The following PCGF5 variants were observed in gnomAD, a reference collection of about 807,000 sequenced individuals.
PCGF5 encodes the protein polycomb group ring finger 5, also known as polycomb group RING finger protein 5.
PCGF5 carries 9 observed loss-of-function variants against 44.3 expected under a neutral mutation model. The observed-to-expected ratio is 0.20, with a 90% CI of 0.12 to 0.35. PCGF5 has a LOEUF of 0.35. PCGF5 is among the 10% of genes least tolerant of loss of function. The pLI, the probability that PCGF5 is intolerant of heterozygous loss-of-function variation, is 1.00. For synonymous variants in PCGF5, 95 were observed against 102.5 expected (o/e 0.93, Z 0.44); for missense variants, 146 against 305.3 (o/e 0.48, Z 3.89).
chr10:91,177,714 G>T (rs1242967280), intron 1 of PCGF5, among the ~76,000 whole-genome samples: 4 of 152,232 alleles, frequency 2.6e-5, no homozygotes, highest in Admixed American at 6.5e-5. Flanking sequence ...CCAGGTGCAG[G>T]ATATAATCTC....
chr10:91,164,035 G>A (rs1183874729), intron 1 of PCGF5, among the ~76,000 whole-genome samples: 2 of 152,254 alleles, frequency 1.3e-5, no homozygotes, highest in Admixed American at 1.3e-4. Context: ...AGTACACCCG[G>A]AACGTGTGGC....
intron 1 of PCGF5, among the ~76,000 whole-genome samples, chr10:91,173,578 CT>C (rs59254639): frequency 0.44 from 50,727 of 115,922 alleles, 10,477 homozygotes; most frequent in South Asian, 0.52. Context: ...AGGGAGTTGG[CT>C]TTTTTTTTTT....
intron 1 of PCGF5, among the ~76,000 whole-genome samples, chr10:91,163,651 C>T (rs1181560772): frequency 1.3e-5 from 2 of 152,076 alleles, no homozygotes; most frequent in Non-Finnish European, 2.9e-5. Context: ...GCGTCGCTTC[C>T]GTTTTGATTA....
At chr10:91,268,511 T>C (rs114226529) in intron 8 of PCGF5, among the ~76,000 whole-genome samples, 1,909 of 152,234 alleles carry the variant, frequency 0.013, 47 homozygotes, top group African/African-American at 0.042. Flanking sequence ...TATTTGGCAC[T>C]ATGGGATGTC....
At chr10:91,159,872 G>C (rs1024696210), upstream of PCGF5, among the ~76,000 whole-genome samples, 5 of 152,160 alleles carry the variant, frequency 3.3e-5, no homozygotes, top group African/African-American at 1.2e-4. Flanking sequence ...TGATATCCCA[G>C]GTATTAAGTC....
chr10:91,274,728 T>C lies in PCGF5; in HGVS notation c.723+3031T>C, dbSNP rs187051772. Among the ~76,000 whole-genome samples the C allele has an allele frequency of 3.9e-3, 589 of 152,252 alleles. 3 individuals carry two copies. The highest frequency in any genetic ancestry group is 0.014 in the African/African-American group (563 of 41,554). On this transcript the variant is annotated intron_variant, in intron 9 of 9. Coordinates refer to ENST00000336126, the MANE Select transcript of PCGF5 (RefSeq NM_032373.5). ...TGGTGGATTGTTGATCAAAAGAAAT[T>C]GAGAGACGTTGCTATGTGAATATCT...
chr10:91,219,553 C>T (rs188278473), upstream of PCGF5, among the ~76,000 whole-genome samples: 1 of 152,272 alleles, frequency 6.6e-6, no homozygotes, highest in East Asian at 1.9e-4. Context: ...TTTGACCTCA[C>T]TTGTTTTCTC....
chr10:91,241,001 A>T (rs1196577024), intron 3 of PCGF5, among the ~76,000 whole-genome samples: 4 of 149,982 alleles, frequency 2.7e-5, no homozygotes, highest in Non-Finnish European at 5.9e-5. Flanking sequence ...AGATTTTTTT[A>T]AGACTACCAT....
intron 1 of PCGF5, among the ~76,000 whole-genome samples, chr10:91,206,983 A>G (rs1325072815): frequency 1.3e-5 from 2 of 151,984 alleles, no homozygotes; most frequent in African/African-American, 4.8e-5. Context: ...TTATTTGTTT[A>G]TTGCCTATTT....
At chr10:91,214,741 C>T (rs1844511731) in intron 1 of PCGF5, among the ~76,000 whole-genome samples, 2 of 152,080 alleles carry the variant, frequency 1.3e-5, no homozygotes, top group South Asian at 4.1e-4. Flanking sequence ...ATAACCAGAA[C>T]AGGGAGAAAG....
rs535252035 is a variant in PCGF5, at chr10:91,259,981, A to C, written c.475-1345A>C. Among the ~76,000 whole-genome samples the C allele has an allele frequency of 4.3e-4, 65 of 151,926 alleles. 2 individuals are homozygous for C. In the South Asian group the frequency reaches 0.01, roughly 24 times the overall value. ...TTGACAAATGGGATCTAATTAAACT[A>C]AAGAGCTTCTGCACAGCAAAAGAAA... is the stretch of plus-strand genomic sequence containing the variant. On this transcript the variant is annotated intron_variant, in intron 6 of 9. Coordinates refer to ENST00000336126, the MANE Select transcript of PCGF5 (RefSeq NM_032373.5).
chr10:91,260,331 A>G (rs368121556), intron 6 of PCGF5, among the ~76,000 whole-genome samples: 1 of 152,122 alleles, frequency 6.6e-6, no homozygotes, highest in Non-Finnish European at 1.5e-5. Flanking sequence ...AGAGGATGTG[A>G]AGAAATAGGA....
At chr10:91,250,060 T>C (rs1845587602) in intron 5 of PCGF5, among the ~76,000 whole-genome samples, 1 of 152,104 alleles carries the variant, frequency 6.6e-6, no homozygotes, top group Non-Finnish European at 1.5e-5. Flanking sequence ...TAGCCTACTT[T>C]GTGAATTTTA....
At chr10:91,228,607 A>T (rs1301738196) in intron 2 of PCGF5, among the ~76,000 whole-genome samples, 3 of 152,242 alleles carry the variant, frequency 2.0e-5, no homozygotes. Flanking sequence ...GGTAATATGT[A>T]AGAAGGAATA....
At chr10:91,229,889 C>A (rs1844953197) in intron 2 of PCGF5, among the ~76,000 whole-genome samples, 1 of 152,064 alleles carries the variant, frequency 6.6e-6, no homozygotes, top group Non-Finnish European at 1.5e-5. Flanking sequence ...GAAATGATGT[C>A]ATTGGTATAC....
In PCGF5 at chr10:91,251,481, T is replaced by C. The variant is rs762143941; in HGVS notation, c.474+41T>C. 4 of 1,557,536 alleles carry C rather than the reference T, an allele frequency of 2.6e-6. No individual in the cohort carries two copies. In the Admixed American group the frequency reaches 6.0e-5, roughly 23 times the overall value. Reference sequence around the variant, plus strand: ...CTATGGTATTTTTATGATCAGTTTATAGTAAACCCTTGATAATTTGTTGAC... The same window carrying C: ...CTATGGTATTTTTATGATCAGTTTACAGTAAACCCTTGATAATTTGTTGAC... On this transcript the variant is annotated intron_variant, in intron 6 of 9. Transcript: ENST00000336126.
At chr10:91,198,629 G>T (rs989232516) in intron 1 of PCGF5, among the ~76,000 whole-genome samples, 1 of 152,158 alleles carries the variant, frequency 6.6e-6, no homozygotes, top group African/African-American at 2.4e-5. Context: ...TCTGTCCTTC[G>T]ATCTTCTTGG....
chr10:91,189,880 T>C (rs59280736), intron 1 of PCGF5, among the ~76,000 whole-genome samples: 4,416 of 152,316 alleles, frequency 0.029, 201 homozygotes, highest in African/African-American at 0.098. Flanking sequence ...TTTGAAAGGT[T>C]TTCCTCAACC....
upstream of PCGF5, among the ~76,000 whole-genome samples, chr10:91,219,561 C>T (rs954396750): frequency 6.6e-6 from 1 of 152,156 alleles, no homozygotes; most frequent in Non-Finnish European, 1.5e-5. Flanking sequence ...CACTTGTTTT[C>T]TCTTACTCAT....
Sources: allele counts gnomAD v4.1 joint callset (sites outside exome capture counted in the v4.1 genomes callset), GRCh38; gene constraint gnomAD v4.1.1; transcripts MANE v1.5; gene names NCBI Gene and HGNC (gene_info 2026-07-23, HGNC 2026-07-21).